ANTXRL: variants seen among roughly 807,000 people sequenced by gnomAD.
ANTXRL encodes anthrax toxin receptor-like.
In ANTXRL, 63 loss-of-function variants were observed where a neutral mutation model predicts 75.4. That is an observed-to-expected ratio of 0.84 (90% CI 0.68 to 1.03). ANTXRL has a LOEUF of 1.03. Among genes scored for constraint, ANTXRL ranks in the 50% least tolerant of loss-of-function variants. The pLI, the probability that ANTXRL is intolerant of heterozygous loss-of-function variation, is 0.00. For missense variants in ANTXRL, 797 were observed against 789.4 expected (o/e 1.01, Z -0.12); for synonymous variants, 335 against 291.3 (o/e 1.15, Z -1.53).
intron 15 of ANTXRL, among the ~76,000 whole-genome samples, chr10:46,311,881 C>T (rs555348150): frequency 2.0e-5 from 3 of 152,104 alleles, no homozygotes; most frequent in South Asian, 4.2e-4. Context: ...CCTGCACCAC[C>T]GGGTCTGTCC....
In ANTXRL at chr10:46,287,410, G is replaced by A. The variant is rs1317787206; in HGVS notation, c.148G>A (p.Ala50Thr). 2.6e-6 allele frequency: 4 copies of A among 1,535,858 alleles called. No homozygotes were observed. The Admixed American group carries it at 7.8e-5, about 30-fold the overall frequency. Residue 50 changes from alanine to threonine, a missense_variant, in exon 1 of 17, where the codon GCC becomes ACC. Around this residue, in one of 3 missense-constraint regions of ANTXRL, gnomAD observed 262 missense variants for 271.9 expected, o/e 0.96. Coordinates refer to ENST00000620264, the MANE Select transcript of ANTXRL (RefSeq NM_001278688.3). ...FHRLALGSRR[A>T]HHHHGPGWRQ... ...CCGCCTGGCCCTGGGCTCCAGGAGA[G>A]CCCACCACCACCATGGCCCAGGATG...
At chr10:46,297,004 A>G (rs781877248) in intron 5 of ANTXRL, among the ~76,000 whole-genome samples, 11 of 151,992 alleles carry the variant, frequency 7.2e-5, no homozygotes, top group South Asian at 4.2e-4. Context: ...GGTGTGAAAG[A>G]CCCTGCCCCT....
intron 10 of ANTXRL, 150 bp from the exon 11 acceptor site, chr10:46,306,653 G>A (rs1838104041): frequency 8.9e-6 from 5 of 564,806 alleles, no homozygotes; most frequent in East Asian, 3.3e-5. Context: ...TGGGTGTGGC[G>A]GGTGCTTGCA....
chr10:46,312,434 G>T, intron 15 of ANTXRL, among the ~76,000 whole-genome samples: 1 of 147,074 alleles, frequency 6.8e-6, no homozygotes, highest in East Asian at 2.0e-4. Flanking sequence ...AGGGCGCCTG[G>T]GTGGCTGGTG....
chr10:46,298,812 T>C (rs1362720918), intron 9 of ANTXRL, among the ~76,000 whole-genome samples: 1 of 151,288 alleles, frequency 6.6e-6, no homozygotes, highest in Non-Finnish European at 1.5e-5. Context: ...TTCGGGTGTG[T>C]GGTGTGTGGT....
At chr10:46,295,859 C>A (rs1168031636) in intron 3 of ANTXRL, among the ~76,000 whole-genome samples, 160 bp from the exon 4 acceptor site, 2 of 152,156 alleles carry the variant, frequency 1.3e-5, no homozygotes, top group Non-Finnish European at 2.9e-5. Context: ...AATCTCTGGT[C>A]AAAATCACAA....
At chr10:46,290,824 T>C (rs72790431) in intron 1 of ANTXRL, among the ~76,000 whole-genome samples, 26,070 of 151,876 alleles carry the variant, frequency 0.17, 1,955 homozygotes, top group South Asian at 0.21. Flanking sequence ...GTTCTTTGTA[T>C]ATTCTGGATA....
intron 10 of ANTXRL, among the ~76,000 whole-genome samples, chr10:46,303,798 G>A (rs1837900882): frequency 6.6e-6 from 1 of 152,078 alleles, no homozygotes; most frequent in African/African-American, 2.4e-5. Context: ...CTGTGCCCTG[G>A]GTGCTGGGGG....
rs74312662 is a variant in ANTXRL, at chr10:46,295,463, GGTTAGAGTTAGAGTTAGA to G, written c.393-526_393-509del. On this transcript the variant is annotated intron_variant, in intron 3 of 16. Transcript: ENST00000620264. ...GGTTCAGGGTTAAGGTTAGGGTTTG[GGTTAGAGTTAGAGTTAGA>G]GTTAGAGTTAGAGTTAGAGTTAGAG... is the stretch of plus-strand genomic sequence containing the variant. Among the ~76,000 whole-genome samples, 28 of 90,438 alleles carry G rather than the reference GGTTAGAGTTAGAGTTAGA, an allele frequency of 3.1e-4. 2 individuals carry two copies. The highest frequency in any genetic ancestry group is 6.6e-4 in the Non-Finnish European group (26 of 39,382). 59.3% of individuals were successfully genotyped at this position (90,438 alleles called of 152,430 possible).
intron 2 of ANTXRL, among the ~76,000 whole-genome samples, chr10:46,293,427 C>A (rs368908644): frequency 2.3e-5 from 3 of 127,912 alleles, no homozygotes; most frequent in African/African-American, 9.4e-5. Flanking sequence ...TGGGTGTGTG[C>A]GTGTATGGGT....
chr10:46,291,087 C>T (rs1186144057), intron 1 of ANTXRL, among the ~76,000 whole-genome samples: 1 of 152,148 alleles, frequency 6.6e-6, no homozygotes, highest in Non-Finnish European at 1.5e-5. Context: ...GTCTTTGACC[C>T]ATTTTGAGTG....
rs1195717229 is a variant in ANTXRL, at chr10:46,302,942, GC to G, written c.895+124del. Reference sequence around the variant, plus strand: ...CCCTGTGGACCCTGTGGGGTTAGAGGCCATGAGGACAAGTGGAAGGAGGCAC... The same window carrying G: ...CCCTGTGGACCCTGTGGGGTTAGAGGCATGAGGACAAGTGGAAGGAGGCAC... On this transcript the variant is annotated intron_variant, in intron 10 of 16. Coordinates refer to ENST00000620264, the MANE Select transcript of ANTXRL (RefSeq NM_001278688.3). The G allele has an allele frequency of 1.0e-4, 79 of 776,586 alleles. 1 individual carries two copies. In the Middle Eastern group the frequency reaches 1.5e-3, roughly 14 times the overall value. 48.1% of individuals were successfully genotyped at this position (776,586 alleles called of 1,614,324 possible). A position where few individuals can be genotyped will look rare whatever the true frequency, so the allele number is the denominator to read the frequency against.
chr10:46,302,093 T>G (rs1270143041), intron 9 of ANTXRL, among the ~76,000 whole-genome samples: 1 of 152,144 alleles, frequency 6.6e-6, no homozygotes, highest in Non-Finnish European at 1.5e-5. Context: ...TCACCTGTAG[T>G]TCTCTGGAAT....
intron 16 of ANTXRL, among the ~76,000 whole-genome samples, chr10:46,329,376 G>A (rs1839377187): frequency 6.6e-6 from 1 of 152,136 alleles, no homozygotes; most frequent in African/African-American, 2.4e-5. Flanking sequence ...GAGACCCAAG[G>A]CTGCCTGGAG....
chr10:46,308,810 C>G (rs1210977524), intron 12 of ANTXRL: 4 of 439,208 alleles, frequency 9.1e-6, no homozygotes, highest in African/African-American at 6.0e-5. Context: ...GTCTTTGTAC[C>G]GGTAGATTTT....
upstream of ANTXRL, among the ~76,000 whole-genome samples, chr10:46,286,834 T>A (rs555925515): frequency 3.3e-4 from 50 of 152,134 alleles, no homozygotes; most frequent in South Asian, 3.9e-3. Context: ...AACAGCAGGG[T>A]CTAGTGGTTT....
chr10:46,287,554 C>T (rs1554955582), intron 1 of ANTXRL, 44 bp downstream of exon 1: 5 of 1,505,582 alleles, frequency 3.3e-6, no homozygotes, highest in Non-Finnish European at 4.4e-6. Flanking sequence ...CCCTCAGGAG[C>T]CACTGTCTCT....
At chr10:46,324,246 A>T (rs1839108058) in intron 16 of ANTXRL, among the ~76,000 whole-genome samples, 1 of 152,190 alleles carries the variant, frequency 6.6e-6, no homozygotes, top group Admixed American at 6.5e-5. Flanking sequence ...AATGCCTGGG[A>T]AAAATAGAAA....
At chr10:46,299,918 C>T (rs531432644) in intron 9 of ANTXRL, among the ~76,000 whole-genome samples, 1 of 152,148 alleles carries the variant, frequency 6.6e-6, no homozygotes, top group Non-Finnish European at 1.5e-5. Context: ...GAGCTGAGGG[C>T]AGGGGTGGAG....
Sources: allele counts gnomAD v4.1 joint callset (sites outside exome capture counted in the v4.1 genomes callset), GRCh38; gene constraint gnomAD v4.1.1; regional missense constraint gnomAD v4.1.1; transcripts MANE v1.5; gene names NCBI Gene and HGNC (gene_info 2026-07-23, HGNC 2026-07-21).